Variants in MMD2 observed in about 807,000 individuals in gnomAD.
The protein encoded by MMD2 is monocyte to macrophage differentiation factor 2.
Under a neutral mutation model 33.5 loss-of-function variants are expected in MMD2, and 30 were observed. That is an observed-to-expected ratio of 0.90 (90% confidence interval 0.67 to 1.22). The LOEUF is 1.22. MMD2 is among the 50% of genes most tolerant of loss of function. The pLI, the probability that MMD2 is intolerant of heterozygous loss-of-function variation, is 0.00. For missense variants in MMD2, 364 were observed against 325.4 expected, an observed-to-expected ratio of 1.12 and a Z score of -0.91; for synonymous variants, 129 against 123.0, an observed-to-expected ratio of 1.05 and a Z score of -0.32.
At chr7:4,914,315 A>G (rs12531673) in intron 4 of MMD2, among the ~76,000 whole-genome samples, 73,053 of 152,026 alleles carry the variant, frequency 0.48, 18,398 homozygotes, top group African/African-American at 0.63. Context: ...TCAGCATTAA[A>G]TGGTGCTGTG....
intron 3 of MMD2, 54 bp downstream of exon 3, chr7:4,920,117 G>A: frequency 6.5e-7 from 1 of 1,530,848 alleles, no homozygotes; most frequent in Non-Finnish European, 8.8e-7. Context: ...GCTGCCATGG[G>A]TCCCCCTGCC....
the MMD2 span, among the ~76,000 whole-genome samples, chr7:4,894,874 T>A: frequency 2.3e-3 from 354 of 152,078 alleles, no homozygotes; most frequent in African/African-American, 8.1e-3. This position sits in a 1 kb window ranked among gnomAD's most constrained non-coding sequence, Gnocchi z 4.3. Flanking sequence ...AGGTGGTGTA[T>A]GTGGAGGTTT....
At chr7:4,954,814 A>C (rs1419584111) in intron 1 of MMD2, among the ~76,000 whole-genome samples, 1 of 152,200 alleles carries the variant, frequency 6.6e-6, no homozygotes, top group Non-Finnish European at 1.5e-5. Context: ...TTCAAAAGTT[A>C]TTCTTTTATA....
chr7:4,952,670 G>A (rs889564579), intron 1 of MMD2, among the ~76,000 whole-genome samples: 3 of 150,960 alleles, frequency 2.0e-5, no homozygotes, highest in Admixed American at 6.7e-5. Flanking sequence ...GGGGATCTCG[G>A]TTGCGTGCTC....
At chr7:4,915,817 C>A (rs544169926) in intron 4 of MMD2, among the ~76,000 whole-genome samples, 188 bp downstream of exon 4, 20 of 151,288 alleles carry the variant, frequency 1.3e-4, no homozygotes, top group Non-Finnish European at 2.5e-4. Context: ...GAGTTATTTT[C>A]TGCATAAAAT....
intron 6 of MMD2, among the ~76,000 whole-genome samples, chr7:4,908,148 T>C (rs73314077): frequency 0.012 from 1,255 of 100,426 alleles, 12 homozygotes; most frequent in African/African-American, 0.05. Context: ...TCTGGTTTTG[T>C]TTTTTTTTTT....
intron 4 of MMD2, among the ~76,000 whole-genome samples, chr7:4,913,751 T>C (rs1313318867): frequency 4.0e-5 from 6 of 148,180 alleles, no homozygotes; most frequent in Non-Finnish European, 9.0e-5. Context: ...AAAAAGTGGA[T>C]TTTTTTTTCA....
intron 3 of MMD2, 68 bp downstream of exon 3, chr7:4,920,103 C>T (rs1004437376): frequency 8.0e-6 from 12 of 1,503,310 alleles, no homozygotes; most frequent in Non-Finnish European, 1.1e-5. Flanking sequence ...GGTTCACCCC[C>T]CGGGCTGCCA....
At chr7:4,895,025 G>C in the MMD2 span, among the ~76,000 whole-genome samples, 1 of 151,542 alleles carries the variant, frequency 6.6e-6, no homozygotes, top group Admixed American at 6.6e-5. Context: ...TCAGCCACTT[G>C]TATCCCCAAC....
At chr7:4,939,336 CA>C (rs1411423058) in intron 1 of MMD2, among the ~76,000 whole-genome samples, 1 of 151,862 alleles carries the variant, frequency 6.6e-6, no homozygotes. Flanking sequence ...GCCAGGAGTT[CA>C]AGACACGCCT....
At chr7:4,934,101 T>C (rs1452118326) in intron 1 of MMD2, among the ~76,000 whole-genome samples, 1 of 152,100 alleles carries the variant, frequency 6.6e-6, no homozygotes, top group Non-Finnish European at 1.5e-5. Context: ...AGCTAATTTT[T>C]GAATTTTGAC....
intron 2 of MMD2, among the ~76,000 whole-genome samples, chr7:4,925,241 T>C (rs1180117014): frequency 1.3e-5 from 2 of 151,950 alleles, no homozygotes; most frequent in African/African-American, 4.8e-5. Context: ...CCATCGAAGG[T>C]TCTTAGAGCA....
chr7:4,914,589 T>TGGCACAGGGCAGTGCCC (rs1007559392), intron 4 of MMD2, among the ~76,000 whole-genome samples: 3 of 152,158 alleles, frequency 2.0e-5, no homozygotes, highest in Admixed American at 6.6e-5. Context: ...GCACAGGGCC[T>TGGCACAGGGCAGTGCCC]GGCACAGGGC....
downstream of MMD2, among the ~76,000 whole-genome samples, chr7:4,901,200 G>T (rs892039467): frequency 3.3e-5 from 5 of 151,520 alleles, no homozygotes; most frequent in African/African-American, 1.2e-4. Context: ...CACCACCTTG[G>T]GAGGCCAAGG....
intron 5 of MMD2, 131 bp from the exon 6 acceptor site, chr7:4,910,081 C>G (rs1784968992): frequency 2.5e-6 from 4 of 1,589,704 alleles, no homozygotes; most frequent in Admixed American, 3.4e-5. Flanking sequence ...CTTTCTCTGT[C>G]CAGCACGCCT....
At chr7:4,929,949 C>T (rs1311697249) in intron 1 of MMD2, among the ~76,000 whole-genome samples, 2 of 152,034 alleles carry the variant, frequency 1.3e-5, no homozygotes, top group Non-Finnish European at 2.9e-5. Context: ...CATTTGGGAA[C>T]AGGATTGGAG....
intron 2 of MMD2, 123 bp from the exon 3 acceptor site, chr7:4,920,454 C>T: frequency 1.1e-6 from 1 of 891,826 alleles, no homozygotes; most frequent in East Asian, 2.7e-5. Context: ...GTGGTCAGTG[C>T]CACTGAAGAA....
At chr7:4,928,358 T>C (rs1001046359) in intron 1 of MMD2, among the ~76,000 whole-genome samples, 1 of 152,182 alleles carries the variant, frequency 6.6e-6, no homozygotes, top group East Asian at 1.9e-4. Context: ...TCCGGTGTGC[T>C]GGCTCCACGC....
the MMD2 span, among the ~76,000 whole-genome samples, chr7:4,900,603 T>C: frequency 7.2e-5 from 11 of 152,102 alleles, no homozygotes; most frequent in Non-Finnish European, 1.3e-4. Flanking sequence ...GTAAGAACAC[T>C]GATACCTTCC....
Sources: gnomAD v4.1 joint callset for allele counts (sites outside exome capture counted in the v4.1 genomes callset) on GRCh38, gnomAD v4.1.1 for gene constraint, Gnocchi (gnomAD v3.1) non-coding constraint, MANE v1.5 for transcripts, NCBI Gene and HGNC (gene_info 2026-07-23, HGNC 2026-07-21) for gene names.